Variants in TNKS observed in about 807,000 individuals in gnomAD.
TNKS encodes the protein tankyrase.
TNKS carries 72 observed loss-of-function variants against 135.8 expected under a neutral mutation model. The ratio of observed to expected loss-of-function variants is 0.53; its 90% CI spans 0.44 to 0.64. TNKS has a LOEUF of 0.64. TNKS is among the 30% of genes least tolerant of loss of function. The pLI, the probability that TNKS is intolerant of heterozygous loss-of-function variation, is 0.00. For synonymous variants in TNKS, 849 were observed against 649.3 expected, an observed-to-expected ratio of 1.31 and a Z score of -4.68; for missense variants, 1,769 against 1,674.0, an observed-to-expected ratio of 1.06 and a Z score of -0.99.
intron 3 of TNKS, among the ~76,000 whole-genome samples, chr8:9,637,122 A>G (rs2128774643): frequency 1.3e-5 from 2 of 152,306 alleles, no homozygotes; most frequent in Middle Eastern, 6.8e-3. Flanking sequence ...TCAAATGACT[A>G]TGAGTTATCG....
At chr8:9,698,111 G>A (rs897652974) in intron 5 of TNKS, among the ~76,000 whole-genome samples, 1 of 152,056 alleles carries the variant, frequency 6.6e-6, no homozygotes, top group Non-Finnish European at 1.5e-5. Flanking sequence ...CAATATGAAT[G>A]GAGCCAGAGG....
chr8:9,745,481 T>A (rs907147640), intron 17 of TNKS, among the ~76,000 whole-genome samples: 1 of 152,172 alleles, frequency 6.6e-6, no homozygotes, highest in African/African-American at 2.4e-5. Context: ...CTTGACTCAC[T>A]GCAATCTCCG....
At chr8:9,651,676 T>A (rs1801153266) in intron 3 of TNKS, among the ~76,000 whole-genome samples, 1 of 152,182 alleles carries the variant, frequency 6.6e-6, no homozygotes. Flanking sequence ...ATGTCATTAG[T>A]CAGAAAGCAA....
At chr8:9,601,445 T>C (rs1360192876) in intron 2 of TNKS, among the ~76,000 whole-genome samples, 1 of 152,184 alleles carries the variant, frequency 6.6e-6, no homozygotes, top group Admixed American at 6.5e-5. Context: ...TCTAGTTCCT[T>C]GGCCAAACTT....
intron 3 of TNKS, among the ~76,000 whole-genome samples, chr8:9,676,663 C>T (rs1297410654): frequency 6.9e-6 from 1 of 144,058 alleles, no homozygotes; most frequent in South Asian, 2.3e-4. Context: ...ACATAAGCCT[C>T]GTATTTCTCC....
intron 3 of TNKS, among the ~76,000 whole-genome samples, chr8:9,677,768 AT>A (rs1406311156): frequency 6.6e-6 from 1 of 152,168 alleles, no homozygotes; most frequent in Non-Finnish European, 1.5e-5. Context: ...TTAGAGAGAC[AT>A]TCATGATGTT....
At chr8:9,632,931 A>G (rs557970048) in intron 3 of TNKS, among the ~76,000 whole-genome samples, 49 of 152,132 alleles carry the variant, frequency 3.2e-4, no homozygotes, top group Non-Finnish European at 2.5e-4. Context: ...GGGTTTCACC[A>G]TGTTAGCCAG....
At chr8:9,563,248 T>A (rs547263601) in intron 1 of TNKS, among the ~76,000 whole-genome samples, 1 of 152,264 alleles carries the variant, frequency 6.6e-6, no homozygotes, top group East Asian at 1.9e-4. Flanking sequence ...CCCAAACCCC[T>A]GATAACTGTC....
At chr8:9,725,203 T>G (rs1805101540) in intron 12 of TNKS, among the ~76,000 whole-genome samples, 1 of 152,146 alleles carries the variant, frequency 6.6e-6, no homozygotes, top group African/African-American at 2.4e-5. Context: ...TAAGATTTGA[T>G]AGACTCATTG....
At chr8:9,682,357 A>G (rs557270707) in intron 5 of TNKS, among the ~76,000 whole-genome samples, 3 of 152,136 alleles carry the variant, frequency 2.0e-5, no homozygotes, top group Non-Finnish European at 4.4e-5. Flanking sequence ...TTTGACAGCC[A>G]CATTCCTAGT....
intron 1 of TNKS, chr8:9,574,931 A>G: frequency 6.7e-6 from 4 of 598,324 alleles, no homozygotes; most frequent in Non-Finnish European, 8.4e-6. Flanking sequence ...AGGCTTAGAA[A>G]TATAGCACTC....
chr8:9,629,740 T>C lies in TNKS; in HGVS notation c.994+14063T>C, dbSNP rs1800211385. 2.0e-5 allele frequency among the ~76,000 whole-genome samples: 3 copies of C among 152,238 alleles called. No individual in the cohort carries two copies. The South Asian group carries it at 6.2e-4, about 31-fold the overall frequency. On this transcript the variant is annotated intron_variant, in intron 3 of 26. Transcript: ENST00000310430. ...CTCTGTCGCCCAGGCTGGAGTGCAG[T>C]GGTGTCATCTCGGCTCACTGCAACC...
intron 25 of TNKS, among the ~76,000 whole-genome samples, chr8:9,769,750 G>A (rs1295167406): frequency 2.7e-5 from 4 of 150,656 alleles, no homozygotes; most frequent in Non-Finnish European, 5.9e-5. Context: ...CTCCCAAGTA[G>A]CTGAGACTAC....
rs576579607 is a variant in TNKS at position 9,781,189 on chromosome 8, ATTC to A, written c.*4456_*4458del. On this transcript the variant is annotated 3_prime_UTR_variant, in exon 27 of 27. Transcript: ENST00000310430. ...GCATTTCGGCTTTTCCTCCTTTCAC[ATTC>A]TTTTTTGCTTTACACTTCACGTCTT... 2.6e-4 allele frequency: 39 copies of A among 152,226 alleles called. No individual in the cohort carries two copies. The highest frequency in any genetic ancestry group is 9.2e-4 in the African/African-American group (38 of 41,530). 9.4% of individuals were successfully genotyped at this position (152,226 alleles called of 1,614,324 possible).
chr8:9,627,027 A>C (rs1800083279), intron 3 of TNKS, among the ~76,000 whole-genome samples: 1 of 152,150 alleles, frequency 6.6e-6, no homozygotes, highest in Admixed American at 6.5e-5. Context: ...CTTTCAGCCC[A>C]ACCACTGAGG....
chr8:9,574,178 T>G (rs1022078981), intron 1 of TNKS, among the ~76,000 whole-genome samples: 3 of 152,222 alleles, frequency 2.0e-5, no homozygotes, highest in African/African-American at 4.8e-5. Context: ...ATAATGTTAT[T>G]TTTTCTCATG....
In TNKS at chr8:9,706,994, A is replaced by G; in HGVS notation, c.1453A>G (p.Thr485Ala). The change falls in exon 8 of 27, where the codon ACT becomes GCT. Residue 485 changes from threonine (T) to alanine (A), a missense_variant. Around this residue, in one of 5 missense-constraint regions of TNKS, gnomAD observed 523 missense variants for 541.0 expected, o/e 0.97. Transcript: ENST00000310430. ...APTPELRERL[T>A]YEFKGHSLLQ... ...AACTCCGGAGCTTAGGGAGAGATTG[A>G]CTTGTACGTATTTATATCCCGAAAT... The G allele has an allele frequency of 3.2e-6, 5 of 1,578,382 alleles. 1 individual carries two copies. In the South Asian group the frequency reaches 4.6e-5, roughly 15 times the overall value.
At chr8:9,595,878 CA>C (rs1798769407) in intron 2 of TNKS, among the ~76,000 whole-genome samples, 1 of 151,964 alleles carries the variant, frequency 6.6e-6, no homozygotes, top group South Asian at 2.1e-4. Context: ...TTTGGGAGGC[CA>C]AAGTGGGAGG....
chr8:9,562,415 T>C (rs1035801127), intron 1 of TNKS, among the ~76,000 whole-genome samples: 3 of 152,194 alleles, frequency 2.0e-5, no homozygotes, highest in Non-Finnish European at 4.4e-5. Context: ...CCCCAAGTCA[T>C]AGAAGTTCTC....
Sources: gnomAD v4.1 joint callset for allele counts (sites outside exome capture counted in the v4.1 genomes callset) on GRCh38, gnomAD v4.1.1 for gene constraint, gnomAD v4.1.1 regional missense constraint, MANE v1.5 for transcripts, NCBI Gene and HGNC (gene_info 2026-07-23, HGNC 2026-07-21) for gene names.